The following SOX5 variants were observed in gnomAD, a reference collection of about 807,000 sequenced individuals.
The protein encoded by SOX5 is transcription factor SOX-5.
SOX5 carries 9 observed loss-of-function variants against 92.0 expected under a neutral mutation model. The observed-to-expected ratio is 0.10, with a 90% confidence interval of 0.06 to 0.17. The LOEUF is 0.17. Among genes scored for constraint, SOX5 ranks in the 10% least tolerant of loss-of-function variants. SOX5 has a pLI of 1.00. For synonymous variants in SOX5, 344 were observed against 336.3 expected, an observed-to-expected ratio of 1.02 and a Z score of -0.25; for missense variants, 642 against 944.5, an observed-to-expected ratio of 0.68 and a Z score of 4.20.
intron 2 of SOX5, among the ~76,000 whole-genome samples, chr12:24,291,076 T>A (rs960817549): frequency 2.0e-5 from 3 of 152,196 alleles, no homozygotes; most frequent in African/African-American, 7.2e-5. Flanking sequence ...TTATCTACTG[T>A]TTATACTGTC....
chr12:24,305,671 C>T (rs1237272963), intron 2 of SOX5, among the ~76,000 whole-genome samples: 1 of 152,192 alleles, frequency 6.6e-6, no homozygotes, highest in Non-Finnish European at 1.5e-5. Context: ...GATCGCGGCT[C>T]ACTGTAACTT....
At chr12:23,713,154 G>A (rs1193571121) in intron 6 of SOX5, among the ~76,000 whole-genome samples, 2 of 152,204 alleles carry the variant, frequency 1.3e-5, no homozygotes, top group Admixed American at 6.5e-5. Flanking sequence ...AGAAAACAGT[G>A]TAGGGACAGA....
intron 1 of SOX5, among the ~76,000 whole-genome samples, chr12:23,913,653 T>C (rs544381245): frequency 1.3e-5 from 2 of 151,694 alleles, no homozygotes; most frequent in African/African-American, 2.4e-5. Flanking sequence ...GGAGAATCTC[T>C]TGAAACCAGA....
chr12:24,263,545 A>AAC lies in SOX5; in HGVS notation c.-77+13670_-77+13671insGT, dbSNP rs1555203052. Among the ~76,000 whole-genome samples the AAC allele has an allele frequency of 1.0e-4, 15 of 149,314 alleles. 1 individual carries two copies. The East Asian group carries it at 1.8e-3, about 18-fold the overall frequency. On this transcript the variant is annotated intron_variant, in intron 3 of 4. Coordinates refer to the SOX5 transcript ENST00000446891. ...TCCGTCTCAAAAAAAAAAAAACAAA[A>AAC]AAAAAAACAAAAACAAGAAATTACT...
intron 4 of SOX5, among the ~76,000 whole-genome samples, chr12:24,090,995 T>C (rs1338880080): frequency 6.6e-6 from 1 of 152,230 alleles, no homozygotes; most frequent in Non-Finnish European, 1.5e-5. Context: ...GCAAGAGTTC[T>C]GCTGCTATAT....
intron 8 of SOX5, among the ~76,000 whole-genome samples, chr12:23,615,417 G>C (rs1175282855): frequency 6.6e-6 from 1 of 152,068 alleles, no homozygotes; most frequent in East Asian, 1.9e-4. Flanking sequence ...TGTGTCAGGG[G>C]AATTGTTGTG....
chr12:24,370,025 A>T (rs1391503116), intron 1 of SOX5, among the ~76,000 whole-genome samples: 1 of 152,022 alleles, frequency 6.6e-6, no homozygotes, highest in African/African-American at 2.4e-5. Context: ...CCAATAATAG[A>T]TATAGAAATT....
At chr12:24,264,904 T>C (rs1942787773) in intron 3 of SOX5, among the ~76,000 whole-genome samples, 1 of 152,216 alleles carries the variant, frequency 6.6e-6, no homozygotes, top group South Asian at 2.1e-4. Flanking sequence ...ATCTCAAATC[T>C]GGAGTATTGT....
At chr12:24,159,834 T>C (rs920262496) in intron 4 of SOX5, among the ~76,000 whole-genome samples, 2 of 151,986 alleles carry the variant, frequency 1.3e-5, no homozygotes, top group Non-Finnish European at 2.9e-5. Flanking sequence ...GTAATCCTTA[T>C]GGATGAAACA....
At chr12:23,622,917 A>C (rs536884552) in intron 8 of SOX5, among the ~76,000 whole-genome samples, 41 of 152,202 alleles carry the variant, frequency 2.7e-4, no homozygotes, top group Non-Finnish European at 5.0e-4. Flanking sequence ...AACTTTTGCC[A>C]CCTCTTTTTT....
chr12:24,091,110 A>G (rs1477194897), intron 4 of SOX5, among the ~76,000 whole-genome samples: 1 of 152,226 alleles, frequency 6.6e-6, no homozygotes, highest in Non-Finnish European at 1.5e-5. Context: ...TCAAAAAAAC[A>G]AACTTGTTTT....
intron 2 of SOX5, among the ~76,000 whole-genome samples, chr12:24,315,416 G>GA (rs1177590062): frequency 6.6e-6 from 1 of 152,098 alleles, no homozygotes; most frequent in African/African-American, 2.4e-5. Context: ...AACAAAAAGG[G>GA]AAAAAATACA....
rs954947193 is a variant in SOX5 at position 23,714,724 on chromosome 12, A to C, written c.810+19960T>G. On this transcript the variant is annotated intron_variant, in intron 6 of 14. Transcript: ENST00000451604. ...GCTTTGAGATAACTTGATTTAATAT[A>C]CATAAAAAGCCAATGTAAAAAAAAG... Among the ~76,000 whole-genome samples, 4 of 152,206 alleles carry C rather than the reference A, an allele frequency of 2.6e-5. No homozygotes were observed. The South Asian group carries it at 8.3e-4, about 31-fold the overall frequency.
chr12:24,124,390 C>T lies in SOX5; in HGVS notation c.-2+88953G>A, dbSNP rs144110251. On this transcript the variant is annotated intron_variant, in intron 4 of 4. Transcript: ENST00000446891. ...GGAGCGTGGTTTTTCCTAACAAAAC[C>T]ATTCACGGAGAAGTTCACACAAGAG... Among the ~76,000 whole-genome samples the T allele has an allele frequency of 9.9e-5, 15 of 152,086 alleles. No individual in the cohort carries two copies. In the East Asian group the frequency reaches 2.5e-3, roughly 26 times the overall value.
At chr12:23,920,430 G>T (rs1937846401) in intron 1 of SOX5, 1 of 152,178 alleles carries the variant, frequency 6.6e-6, no homozygotes, top group Non-Finnish European at 1.5e-5. Flanking sequence ...CTCTAGATTA[G>T]TAATAGACTA....
In SOX5 at chr12:24,434,795, G is replaced by A. The variant is rs952452967; in HGVS notation, c.-250-66156C>T. Among the ~76,000 whole-genome samples the A allele has an allele frequency of 1.3e-4, 20 of 152,120 alleles. 1 individual carries two copies. Among genetic ancestry groups the A allele is most frequent in the African/African-American group, 4.3e-4 (18 of 41,406 alleles). ...AGTTTCTTGAGGCCTCCCCAAAGCC[G>A]AGCAGATGCTAGCATCATGCTTTCT... On this transcript the variant is annotated intron_variant, in intron 1 of 4. Coordinates refer to the SOX5 transcript ENST00000446891.
At chr12:24,242,449 T>C (rs1433101680) in intron 3 of SOX5, among the ~76,000 whole-genome samples, 1 of 152,136 alleles carries the variant, frequency 6.6e-6, no homozygotes, top group Non-Finnish European at 1.5e-5. Context: ...AAACCACTTT[T>C]ACAAAAAATG....
At chr12:23,743,758 G>A (rs2093885331) in intron 4 of SOX5, among the ~76,000 whole-genome samples, 1 of 152,118 alleles carries the variant, frequency 6.6e-6, no homozygotes, top group Non-Finnish European at 1.5e-5. Flanking sequence ...TTAGCCCTCT[G>A]CATAGGTGGG....
intron 4 of SOX5, among the ~76,000 whole-genome samples, chr12:24,197,361 A>C (rs541505813): frequency 6.6e-6 from 1 of 152,332 alleles, no homozygotes; most frequent in Non-Finnish European, 1.5e-5. Flanking sequence ...CTGTGAAGGA[A>C]ACCCTAGACA....
Sources: allele counts gnomAD v4.1 joint callset (sites outside exome capture counted in the v4.1 genomes callset), GRCh38; gene constraint gnomAD v4.1.1; transcripts MANE v1.5; gene names NCBI Gene and HGNC (gene_info 2026-07-23, HGNC 2026-07-21).